ARHGAP23: variants seen among roughly 807,000 people sequenced by gnomAD.
The protein encoded by ARHGAP23 is rho GTPase-activating protein 23.
ARHGAP23 carries 34 observed loss-of-function variants against 136.3 expected under a neutral mutation model. The observed-to-expected ratio is 0.25, with a 90% CI of 0.19 to 0.33. The LOEUF (loss-of-function observed/expected upper bound fraction) is 0.33. ARHGAP23 is among the 10% of genes least tolerant of loss of function. The pLI, the probability that ARHGAP23 is intolerant of heterozygous loss-of-function variation, is 1.00. For synonymous variants in ARHGAP23, 832 were observed against 920.5 expected (o/e 0.90, Z 1.74); for missense variants, 1,808 against 2,139.0 (o/e 0.85, Z 3.05).
intron 20 of ARHGAP23, 24 bp downstream of exon 20, chr17:38,491,556 C>A: frequency 6.5e-7 from 1 of 1,549,182 alleles, no homozygotes; most frequent in Non-Finnish European, 8.7e-7. Context: ...CCGGGGGGCG[C>A]CCGGCAGCCC....
upstream of ARHGAP23, among the ~76,000 whole-genome samples, chr17:38,426,990 C>T (rs1198558216): frequency 6.6e-6 from 1 of 152,192 alleles, no homozygotes; most frequent in Non-Finnish European, 1.5e-5. Context: ...TTCACTGCCT[C>T]CTCTCTCCAA....
chr17:38,460,314 C>T (rs551090506), intron 2 of ARHGAP23, among the ~76,000 whole-genome samples: 1 of 152,340 alleles, frequency 6.6e-6, no homozygotes, highest in South Asian at 2.1e-4. Flanking sequence ...TCCTGTAAGC[C>T]TGAGTGCTTT....
At chr17:38,483,883 G>A (rs2040103285) in intron 16 of ARHGAP23, among the ~76,000 whole-genome samples, 2 of 152,194 alleles carry the variant, frequency 1.3e-5, no homozygotes, top group Admixed American at 1.3e-4. Flanking sequence ...CCCAGCAAGG[G>A]CCGGGGAGGG....
intron 1 of ARHGAP23, among the ~76,000 whole-genome samples, chr17:38,422,769 G>C (rs1477921268): frequency 6.6e-6 from 1 of 152,204 alleles, no homozygotes; most frequent in Non-Finnish European, 1.5e-5. Flanking sequence ...TCCCCAAGGG[G>C]TGTTCAGGTG....
Position 38,510,689 on chromosome 17 carries a change from G to A in ARHGAP23, c.4193G>A (p.Arg1398Gln). The part of the protein sequence containing the change: ...LRRPLSPETR[R>Q]RRSSWRRHTV... Reference sequence around the variant, plus strand: ...CGGCCGCTGTCGCCCGAGACCCGGCGGCGCCGGAGCAGCTGGCGCCGCCAC... The same window carrying A: ...CGGCCGCTGTCGCCCGAGACCCGGCAGCGCCGGAGCAGCTGGCGCCGCCAC... The change falls in exon 24 of 24, where the codon CGG (arginine) becomes CAG (glutamine). Residue 1398 changes from arginine to glutamine, a missense_variant. This residue lies in a region of ARHGAP23 where 506 missense variants were observed against 455.8 expected (regional missense o/e 1.11). Transcript: ENST00000622683. The surrounding 1 kb of genome is among the most constrained non-coding windows in gnomAD (Gnocchi z 4.6). The A allele has an allele frequency of 1.4e-6, 2 of 1,416,838 alleles. No individual in the cohort carries two copies. The highest frequency in any genetic ancestry group is 1.8e-6 in the Non-Finnish European group (2 of 1,093,710). The allele number at this position is 1,416,838 out of a possible 1,614,324, so 87.8% of individuals were successfully genotyped here.
intron 3 of ARHGAP23, among the ~76,000 whole-genome samples, chr17:38,461,285 C>T (rs540469914): frequency 6.8e-4 from 104 of 152,354 alleles, no homozygotes; most frequent in Non-Finnish European, 1.2e-3. Flanking sequence ...GGCAGGGCTG[C>T]AGGGCCTGGG....
intron 11 of ARHGAP23, among the ~76,000 whole-genome samples, chr17:38,474,757 T>TG (rs34825522): frequency 0.35 from 52,574 of 151,458 alleles, 10,676 homozygotes; most frequent in East Asian, 0.54. Flanking sequence ...TTGAGAGAAG[T>TG]GGGGGGGCCG....
intron 3 of ARHGAP23, among the ~76,000 whole-genome samples, chr17:38,462,247 CTTTTTTTTT>C (rs59822011): frequency 2.1e-5 from 1 of 46,850 alleles, no homozygotes; most frequent in Admixed American, 3.7e-4. Context: ...CGCACCCGGC[CTTTTTTTTT>C]TTTTTTTTTT....
At chr17:38,483,773 C>G (rs1163737938) in intron 16 of ARHGAP23, among the ~76,000 whole-genome samples, 14 of 152,128 alleles carry the variant, frequency 9.2e-5, no homozygotes, top group Non-Finnish European at 1.8e-4. Context: ...CAGGCTGGAG[C>G]AGGTGGTGGC....
chr17:38,494,810 C>T (rs2040355071), intron 20 of ARHGAP23, among the ~76,000 whole-genome samples: 2 of 152,066 alleles, frequency 1.3e-5, no homozygotes, highest in Admixed American at 6.5e-5. Flanking sequence ...GCATCCCAGG[C>T]GGAAAGAACA....
intron 6 of ARHGAP23, among the ~76,000 whole-genome samples, chr17:38,465,054 G>C (rs2039554484): frequency 6.6e-6 from 1 of 151,758 alleles, no homozygotes. Context: ...CGGAGGCCCT[G>C]GCCAGGGCAA....
At chr17:38,506,219 A>G (rs1311990471) in intron 23 of ARHGAP23, among the ~76,000 whole-genome samples, 1 of 152,250 alleles carries the variant, frequency 6.6e-6, no homozygotes, top group Non-Finnish European at 1.5e-5. Flanking sequence ...GCTTAGAATT[A>G]CTAATCCTCA....
In ARHGAP23 at chr17:38,510,374, C is replaced by T; in HGVS notation, c.3878C>T (p.Ala1293Val). The T allele has an allele frequency of 8.0e-7, 1 of 1,243,788 alleles. No homozygotes were observed. The highest frequency in any genetic ancestry group is 1.0e-6 in the Non-Finnish European group (1 of 995,106). The allele number at this position is 1,243,788 out of a possible 1,614,324, so 77.0% of individuals were successfully genotyped here. The stretch of plus-strand genomic sequence containing the variant: ...GTGGAGACGGACACTGAGGGCGCGG[C>T]GGGCGCGGGGCCTGGGGGGCGCCTG... ...SHVETDTEGA[A>V]GAGPGGRLTR... Residue 1293 changes from alanine (A) to valine (V), a missense_variant, in exon 24 of 24, where the codon GCG (alanine) becomes GTG (valine). By Grantham distance (64) the Ala-to-Val change is moderately conservative. This residue lies in a region of ARHGAP23 where 506 missense variants were observed against 455.8 expected (regional missense o/e 1.11). Transcript: ENST00000622683. The surrounding 1 kb of genome is among the most constrained non-coding windows in gnomAD (Gnocchi z 4.6).
chr17:38,511,405 C>G lies in ARHGAP23; in HGVS notation c.*433C>G, dbSNP rs374153904. ...CTGCCCTCCCACCTCAGCTTGTAAGCGGGGATGTGTGTATGTCTGGGGAGA... is the reference window on the plus strand; with the variant it reads ...CTGCCCTCCCACCTCAGCTTGTAAGGGGGGATGTGTGTATGTCTGGGGAGA... On this transcript the variant is annotated 3_prime_UTR_variant, in exon 24 of 24. Transcript: ENST00000622683. 6.0e-6 allele frequency: 1 copy of G among 167,482 alleles called. No individual in the cohort carries two copies. The highest frequency in any genetic ancestry group is 1.3e-5 in the Non-Finnish European group (1 of 79,008). 10.4% of individuals were successfully genotyped at this position (167,482 alleles called of 1,614,324 possible). A position where few individuals can be genotyped will look rare whatever the true frequency, so the allele number is the denominator to read the frequency against.
At chr17:38,475,332 G>A in intron 11 of ARHGAP23, among the ~76,000 whole-genome samples, 1 of 152,252 alleles carries the variant, frequency 6.6e-6, no homozygotes, top group Non-Finnish European at 1.5e-5. Flanking sequence ...GAGACACTGA[G>A]GCCTGGGAGT....
rs1191435255 is a variant in ARHGAP23 at position 38,467,667 on chromosome 17, GTTCA to G, written c.1648+343_1648+346del. Among the ~76,000 whole-genome samples the G allele has an allele frequency of 2.0e-5, 3 of 147,244 alleles. 1 individual carries two copies. The highest frequency in any genetic ancestry group is 4.4e-4 in the South Asian group (2 of 4,592). The stretch of plus-strand genomic sequence containing the variant: ...TCTTTCCTTCCTCTCTCCCTCCTTT[GTTCA>G]TTCATTTGTTCCATCCATTCATCCA... On this transcript the variant is annotated intron_variant, in intron 7 of 23. Transcript: ENST00000622683.
chr17:38,478,976 C>T (rs765147568), intron 12 of ARHGAP23, among the ~76,000 whole-genome samples: 2 of 152,190 alleles, frequency 1.3e-5, no homozygotes, highest in Non-Finnish European at 2.9e-5. Flanking sequence ...TCTGCTCTCC[C>T]GGGAACAGCT....
intron 17 of ARHGAP23, 35 bp from the exon 18 acceptor site, chr17:38,490,067 C>T: frequency 1.9e-6 from 3 of 1,547,614 alleles, no homozygotes; most frequent in Non-Finnish European, 2.6e-6. Context: ...AAGGCGCTGC[C>T]CCCACCTCTC....
In ARHGAP23 at chr17:38,490,495, C is replaced by T; in HGVS notation, c.3094C>T (p.Leu1032Phe). 2 of 1,549,460 alleles carry T rather than the reference C, an allele frequency of 1.3e-6. No homozygotes were observed. The highest frequency in any genetic ancestry group is 1.7e-6 in the Non-Finnish European group (2 of 1,146,718). Residue 1032 changes from leucine (L) to phenylalanine (F), a missense_variant, in exon 19 of 24, where the codon CTC becomes TTC. By Grantham distance (22) the Leu-to-Phe change is conservative. This residue lies in a region of ARHGAP23 where 105 missense variants were observed against 200.6 expected (regional missense o/e 0.52). Coordinates refer to ENST00000622683, the MANE Select transcript of ARHGAP23 (RefSeq NM_001199417.2). ...TCTCCCAGGACACTACTATGAAACG[C>T]TCAAATTCCTTGTGGGCCATCTCAA... ...RDLPGHYYET[L>F]KFLVGHLKTI...
Sources: gnomAD v4.1 joint callset for allele counts (sites outside exome capture counted in the v4.1 genomes callset) on GRCh38, gnomAD v4.1.1 for gene constraint, gnomAD v4.1.1 regional missense constraint, Gnocchi (gnomAD v3.1) non-coding constraint, MANE v1.5 for transcripts, NCBI Gene and HGNC (gene_info 2026-07-23, HGNC 2026-07-21) for gene names.